SMARCA5: variants seen among roughly 807,000 people sequenced by gnomAD.
SMARCA5 encodes SNF2 related chromatin remodeling ATPase 5, also known as SWI/SNF-related matrix-associated actin-dependent regulator of chromatin subfamily A member 5.
Under a neutral mutation model 140.4 loss-of-function variants are expected in SMARCA5, and 18 were observed. That is an observed-to-expected ratio of 0.13 (90% CI 0.09 to 0.19). SMARCA5 has a LOEUF of 0.19. SMARCA5 is among the 10% of genes least tolerant of loss of function. The pLI, the probability that SMARCA5 is intolerant of heterozygous loss-of-function variation, is 1.00. For missense variants in SMARCA5, 606 were observed against 1,276.8 expected (o/e 0.47, Z 8.01); for synonymous variants, 449 against 419.6 (o/e 1.07, Z -0.86).
Position 143,556,312 on chromosome 4 carries a change from T to C in SMARCA5, c.*3128T>C, listed in dbSNP as rs1014786940. ...ATAAATGATCTTTGGCTTAGTACCT[T>C]TCTTAATCTCGATCTTAAAAAGCAT... On this transcript the variant is annotated 3_prime_UTR_variant, in exon 24 of 24. Transcript: ENST00000283131. The C allele has an allele frequency of 2.6e-5, 4 of 152,218 alleles. No homozygotes were observed. The highest frequency in any genetic ancestry group is 9.6e-5 in the African/African-American group (4 of 41,456). The allele number at this position is 152,218 out of a possible 1,614,324, so 9.4% of individuals were successfully genotyped here. A position where few individuals can be genotyped will look rare whatever the true frequency, so the allele number is the denominator to read the frequency against.
chr4:143,525,345 C>A, intron 4 of SMARCA5, 106 bp from the exon 5 acceptor site: 2 of 729,952 alleles, frequency 2.7e-6, no homozygotes, highest in South Asian at 1.6e-5. Context: ...TTCAAGAATC[C>A]GTTAGTAATG....
chr4:143,521,738 G>A lies in SMARCA5; in HGVS notation c.419+143G>A. 15 of 725,876 alleles carry A rather than the reference G, an allele frequency of 2.1e-5. 1 individual carries two copies. In the South Asian group the frequency reaches 3.0e-4, roughly 14 times the overall value. The allele number at this position is 725,876 out of a possible 1,614,324, so 45.0% of individuals were successfully genotyped here. On this transcript the variant is annotated intron_variant, in intron 3 of 23. Transcript: ENST00000283131. The stretch of plus-strand genomic sequence containing the variant: ...GCCCTGTTTGGCTTGGCATGATTTA[G>A]CCATAAATGTATAAGTATATAAAAA...
chr4:143,526,244 T>G (rs1413808314), intron 5 of SMARCA5, 37 bp from the exon 6 acceptor site: 5 of 1,545,282 alleles, frequency 3.2e-6, no homozygotes, highest in Non-Finnish European at 4.4e-6. Flanking sequence ...AATATTTTCA[T>G]TTTTCACTGC....
chr4:143,553,728 A>G lies in SMARCA5; in HGVS notation c.*544A>G, dbSNP rs1023902755. On this transcript the variant is annotated 3_prime_UTR_variant, in exon 24 of 24. Transcript: ENST00000283131. ...GCAAGACAAAGTATACTTAAATTCT[A>G]TGCATATTTCTGTTATGCTTTCTGT... 7 of 152,272 alleles carry G rather than the reference A, an allele frequency of 4.6e-5. No homozygotes were observed. Among genetic ancestry groups the G allele is most frequent in the African/African-American group, 1.7e-4 (7 of 41,454 alleles). The allele number at this position is 152,272 out of a possible 1,614,324, so 9.4% of individuals were successfully genotyped here.
chr4:143,527,896 C>T lies in SMARCA5; in HGVS notation c.830C>T (p.Pro277Leu). The change falls in exon 7 of 24, where the codon CCG becomes CTG. Residue 277 changes from proline (P) to leucine (L), a missense_variant. Around this residue, in one of 10 missense-constraint regions of SMARCA5, gnomAD observed 110 missense variants for 287.7 expected, o/e 0.38. Transcript: ENST00000283131. ...RAAFVRDVLL[P>L]GEWDVCVTSY... ...GCTTTTGTCAGAGACGTTTTATTAC[C>T]GGGAGAATGGGATGTATGTGTAACA... 1 of 1,589,670 alleles carries T rather than the reference C, an allele frequency of 6.3e-7. No individual in the cohort carries two copies. Among genetic ancestry groups the T allele is most frequent in the Non-Finnish European group, 8.5e-7 (1 of 1,173,614 alleles).
At chr4:143,524,058 C>T (rs1275058626) in intron 3 of SMARCA5, among the ~76,000 whole-genome samples, 2 of 152,006 alleles carry the variant, frequency 1.3e-5, no homozygotes, top group African/African-American at 4.8e-5. Context: ...TAAAAAGGTA[C>T]ACTTTAAAAT....
intron 21 of SMARCA5, 58 bp downstream of exon 21, chr4:143,547,561 G>A (rs1398841397): frequency 3.4e-6 from 3 of 883,748 alleles, no homozygotes; most frequent in Non-Finnish European, 5.6e-6. Flanking sequence ...CTGTGAGTAT[G>A]AGAGAGTGAC....
At chr4:143,545,612 A>C in intron 18 of SMARCA5, 29 bp downstream of exon 18, 1 of 1,266,116 alleles carries the variant, frequency 7.9e-7, no homozygotes, top group Non-Finnish European at 1.1e-6. Context: ...CTTTCTGTTC[A>C]TTCCTATCCA....
intron 23 of SMARCA5, among the ~76,000 whole-genome samples, chr4:143,551,051 C>T (rs1230699096): frequency 2.6e-5 from 4 of 152,098 alleles, no homozygotes; most frequent in Non-Finnish European, 4.4e-5. Flanking sequence ...TTCCTTTTCT[C>T]CACATTCTTG....
chr4:143,544,056 A>T, intron 16 of SMARCA5, 84 bp downstream of exon 16: 1 of 1,085,914 alleles, frequency 9.2e-7, no homozygotes, highest in East Asian at 2.8e-5. Context: ...AATGTCTTAT[A>T]ATTTTGCTTA....
chr4:143,543,337 G>C (rs1160643112), intron 14 of SMARCA5, among the ~76,000 whole-genome samples, 172 bp from the exon 15 acceptor site: 7 of 152,046 alleles, frequency 4.6e-5, no homozygotes, highest in African/African-American at 1.7e-4. Flanking sequence ...CTGAAAATTT[G>C]GCATTAAATT....
Position 143,546,181 on chromosome 4 carries a change from C to T in SMARCA5, c.2520+134C>T, listed in dbSNP as rs1737520956. On this transcript the variant is annotated intron_variant, in intron 19 of 23. Transcript: ENST00000283131. ...ATAATTGGAGACAATAAAGTATGGG[C>T]ATGTGGATAAATGCTCCATCTGATT... 7.1e-6 allele frequency: 4 copies of T among 565,924 alleles called. No individual in the cohort carries two copies. In the African/African-American group the frequency reaches 7.9e-5, roughly 11 times the overall value. The allele number at this position is 565,924 out of a possible 1,614,324, so 35.1% of individuals were successfully genotyped here. A position where few individuals can be genotyped will look rare whatever the true frequency, so the allele number is the denominator to read the frequency against.
chr4:143,548,552 G>GA (rs1288236814), intron 22 of SMARCA5, among the ~76,000 whole-genome samples: 2 of 151,982 alleles, frequency 1.3e-5, no homozygotes, highest in Non-Finnish European at 2.9e-5. Flanking sequence ...TTATTATAGT[G>GA]AAACACTACT....
intron 20 of SMARCA5, 66 bp downstream of exon 20, chr4:143,546,974 C>T (rs1301387332): frequency 1.3e-6 from 2 of 1,501,384 alleles, no homozygotes; most frequent in Non-Finnish European, 1.8e-6. Context: ...TTTTCTTATT[C>T]TGAATTATGT....
At chr4:143,548,440 A>G (rs1180886465) in intron 22 of SMARCA5, among the ~76,000 whole-genome samples, 3 of 152,074 alleles carry the variant, frequency 2.0e-5, no homozygotes, top group South Asian at 2.1e-4. Context: ...ACATATTTCT[A>G]TAAAGAAAAA....
In SMARCA5 at chr4:143,546,858, T is replaced by C. The variant is rs1737535066; in HGVS notation, c.2603T>C (p.Ile868Thr). Residue 868 changes from isoleucine to threonine, a missense_variant, in exon 20 of 24, where the codon ATA becomes ACA. By Grantham distance (89) the Ile-to-Thr change is moderately conservative (BLOSUM62 -1). Around this residue, in one of 10 missense-constraint regions of SMARCA5, gnomAD observed 121 missense variants for 227.1 expected, o/e 0.53. Coordinates refer to ENST00000283131, the MANE Select transcript of SMARCA5 (RefSeq NM_003601.4). ...EKWGRDDIEN[I>T]AREVEGKTPE... ...TGGGGTCGTGATGATATTGAAAATA[T>C]AGCAAGAGAAGTAGAAGGCAAAACT... is the stretch of plus-strand genomic sequence containing the variant. The C allele has an allele frequency of 6.8e-6, 11 of 1,612,640 alleles. No individual in the cohort carries two copies. Among genetic ancestry groups the C allele is most frequent in the African/African-American group, 1.3e-5 (1 of 74,990 alleles).
rs369356733 is a variant in SMARCA5 at position 143,556,288 on chromosome 4, T to C, written c.*3104T>C. The C allele has an allele frequency of 6.6e-6, 1 of 152,216 alleles. No homozygotes were observed. Among genetic ancestry groups the C allele is most frequent in the East Asian group, 1.9e-4 (1 of 5,198 alleles). 9.4% of individuals were successfully genotyped at this position (152,216 alleles called of 1,614,324 possible). On this transcript the variant is annotated 3_prime_UTR_variant, in exon 24 of 24. Coordinates refer to ENST00000283131, the MANE Select transcript of SMARCA5 (RefSeq NM_003601.4). The stretch of plus-strand genomic sequence containing the variant: ...GGATTTAATTATATAAATGATTATA[T>C]AAATGATCTTTGGCTTAGTACCTTT...
Position 143,545,559 on chromosome 4 carries a change from T to C in SMARCA5, c.2373T>C (p.Phe791=). The part of the protein sequence containing the change: ...LFELLEKEIL[F]YRKTIGYKVP... The stretch of plus-strand genomic sequence containing the variant: ...AATTACTGGAAAAAGAAATTCTGTT[T>C]TACAGAAAAACTATTGGGTACAAGG... Residue 791 remains phenylalanine, a synonymous_variant, in exon 18 of 24, where the codon TTT becomes TTC. Transcript: ENST00000283131. The C allele has an allele frequency of 6.3e-7, 1 of 1,598,024 alleles. No homozygotes were observed. The highest frequency in any genetic ancestry group is 1.1e-5 in the South Asian group (1 of 90,634).
At chr4:143,532,920 G>A (rs552144682) in intron 9 of SMARCA5, among the ~76,000 whole-genome samples, 21 of 152,268 alleles carry the variant, frequency 1.4e-4, no homozygotes, top group African/African-American at 4.3e-4. Context: ...AGTTGCTGCC[G>A]CCTGTTGACT....
Sources: gnomAD v4.1 joint callset for allele counts (sites outside exome capture counted in the v4.1 genomes callset) on GRCh38, gnomAD v4.1.1 for gene constraint, gnomAD v4.1.1 regional missense constraint, MANE v1.5 for transcripts, NCBI Gene and HGNC (gene_info 2026-07-23, HGNC 2026-07-21) for gene names.